Variants in TRPM3 observed in about 807,000 individuals in gnomAD.
TRPM3 encodes transient receptor potential cation channel subfamily M member 3.
In TRPM3, 77 loss-of-function variants were observed where a neutral mutation model predicts 181.2. The observed-to-expected ratio is 0.42, with a 90% confidence interval of 0.35 to 0.51. TRPM3 has a LOEUF of 0.51. Among genes scored for constraint, TRPM3 ranks in the 20% least tolerant of loss-of-function variants. The probability of loss-of-function intolerance (pLI) is 0.01; values close to 1 mark genes in which losing one functional copy is unlikely to be tolerated. For missense variants in TRPM3, 1,759 were observed against 2,196.7 expected (o/e 0.80, Z 3.98); for synonymous variants, 745 against 796.4 (o/e 0.94, Z 1.09).
chr9:70,686,080 CATGT>C (rs1325281780), intron 8 of TRPM3, among the ~76,000 whole-genome samples: 2 of 150,330 alleles, frequency 1.3e-5, no homozygotes, highest in African/African-American at 4.9e-5. Context: ...TACATATATA[CATGT>C]ATTAATATAT....
At chr9:70,672,576 A>G (rs1442632881) in intron 9 of TRPM3, among the ~76,000 whole-genome samples, 1 of 152,214 alleles carries the variant, frequency 6.6e-6, no homozygotes, top group Non-Finnish European at 1.5e-5. Context: ...AACAATTCCC[A>G]GTTTCAGCAA....
At chr9:71,252,466 C>CA (rs1488960353) in intron 1 of TRPM3, among the ~76,000 whole-genome samples, 1 of 152,156 alleles carries the variant, frequency 6.6e-6, no homozygotes, top group Non-Finnish European at 1.5e-5. Context: ...TCTGTCCCAA[C>CA]AAGTTCCTCC....
chr9:71,362,248 C>A (rs1383259855), intron 1 of TRPM3, among the ~76,000 whole-genome samples: 1 of 152,144 alleles, frequency 6.6e-6, no homozygotes, highest in East Asian at 1.9e-4. Flanking sequence ...TTCCTTTATT[C>A]AAAAATAGTT....
chr9:71,061,108 C>T (rs1468321041), intron 1 of TRPM3, among the ~76,000 whole-genome samples: 2 of 151,916 alleles, frequency 1.3e-5, no homozygotes, highest in African/African-American at 4.8e-5. Context: ...CAGCCAGGTG[C>T]CGTGTACAAT....
chr9:70,775,630 C>G (rs966310399), intron 7 of TRPM3: 5 of 152,128 alleles, frequency 3.3e-5, no homozygotes, highest in African/African-American at 7.2e-5. Context: ...TAGGTGAGAG[C>G]CAGGCAGAAA....
intron 8 of TRPM3, among the ~76,000 whole-genome samples, chr9:70,690,051 T>C (rs2068060466): frequency 6.6e-6 from 1 of 152,072 alleles, no homozygotes; most frequent in African/African-American, 2.4e-5. Context: ...AATGAATCCA[T>C]GAAAATAGAG....
intron 1 of TRPM3, among the ~76,000 whole-genome samples, chr9:70,922,712 T>C (rs1352355647): frequency 1.3e-5 from 2 of 152,186 alleles, no homozygotes; most frequent in African/African-American, 2.4e-5. Flanking sequence ...GGTAAGAAAA[T>C]TTCATTTCAA....
intron 1 of TRPM3, among the ~76,000 whole-genome samples, chr9:70,879,929 T>C (rs1019688062): frequency 2.0e-5 from 3 of 152,120 alleles, no homozygotes; most frequent in Admixed American, 6.6e-5. Flanking sequence ...CACATGCATG[T>C]GGTTTTTCTG....
chr9:70,689,599 C>T (rs1021850565), intron 8 of TRPM3, among the ~76,000 whole-genome samples: 5 of 151,664 alleles, frequency 3.3e-5, no homozygotes, highest in Non-Finnish European at 1.5e-5. Flanking sequence ...TAACAAAGCA[C>T]AGACGGAACC....
At chr9:70,951,559 C>A (rs1245474638) in intron 1 of TRPM3, among the ~76,000 whole-genome samples, 1 of 152,158 alleles carries the variant, frequency 6.6e-6, no homozygotes, top group Admixed American at 6.5e-5. Flanking sequence ...CCAGACTGGT[C>A]TTGAACTCCT....
At chr9:70,681,626 G>A (rs779343905) in intron 8 of TRPM3, 48 bp from the exon 9 acceptor site, 2 of 1,533,638 alleles carry the variant, frequency 1.3e-6, no homozygotes, top group Non-Finnish European at 1.8e-6. Flanking sequence ...TTTCCCCCAA[G>A]AGAAATTAAA....
At chr9:70,966,597 T>C (rs1012519261) in intron 1 of TRPM3, among the ~76,000 whole-genome samples, 2 of 152,108 alleles carry the variant, frequency 1.3e-5, no homozygotes, top group African/African-American at 4.8e-5. Flanking sequence ...TGTAGAAACA[T>C]GGATGGAGCT....
At chr9:71,271,355 T>G (rs1365285331) in intron 1 of TRPM3, among the ~76,000 whole-genome samples, 1 of 152,168 alleles carries the variant, frequency 6.6e-6, no homozygotes, top group Non-Finnish European at 1.5e-5. Flanking sequence ...GCAGAAACTT[T>G]GCCTTTTTCA....
At chr9:71,130,563 A>G (rs895744755) in intron 1 of TRPM3, among the ~76,000 whole-genome samples, 6 of 152,212 alleles carry the variant, frequency 3.9e-5, no homozygotes, top group African/African-American at 1.4e-4. Flanking sequence ...TCAAGACTCT[A>G]CTACTAACTT....
At chr9:71,024,207 C>T (rs2097871408) in intron 1 of TRPM3, among the ~76,000 whole-genome samples, 1 of 152,088 alleles carries the variant, frequency 6.6e-6, no homozygotes, top group Non-Finnish European at 1.5e-5. Context: ...ACACAAAATA[C>T]TTTCTCAATA....
intron 24 of TRPM3, among the ~76,000 whole-genome samples, chr9:70,552,083 G>A (rs2046599856): frequency 1.3e-5 from 2 of 152,194 alleles, no homozygotes; most frequent in South Asian, 4.1e-4. Context: ...TAGATTTGAT[G>A]TAGGTGGCCT....
intron 1 of TRPM3, among the ~76,000 whole-genome samples, chr9:71,175,936 T>C (rs942583285): frequency 2.6e-5 from 4 of 152,126 alleles, no homozygotes; most frequent in African/African-American, 7.2e-5. Context: ...TTCTATCACT[T>C]AGTGATGTCA....
chr9:70,858,411 C>A (rs943879102), intron 3 of TRPM3, among the ~76,000 whole-genome samples: 3 of 152,094 alleles, frequency 2.0e-5, no homozygotes, highest in South Asian at 4.2e-4. Context: ...AAAGAAGGAA[C>A]AGGTTGGCAC....
chr9:71,157,634 ACT>A (rs2076073169), intron 1 of TRPM3, among the ~76,000 whole-genome samples: 1 of 152,076 alleles, frequency 6.6e-6, no homozygotes, highest in African/African-American at 2.4e-5. Flanking sequence ...GAAACTAAAA[ACT>A]CTGACCAAAA....
Sources: gnomAD v4.1 joint callset for allele counts (sites outside exome capture counted in the v4.1 genomes callset) on GRCh38, gnomAD v4.1.1 for gene constraint, MANE v1.5 for transcripts, NCBI Gene and HGNC (gene_info 2026-07-23, HGNC 2026-07-21) for gene names.